Variants in CEP250 observed in about 807,000 individuals in gnomAD.
CEP250 encodes the protein centrosomal protein 250.
Under a neutral mutation model 315.7 loss-of-function variants are expected in CEP250, and 242 were observed. The observed-to-expected ratio is 0.77, with a 90% CI of 0.69 to 0.85. CEP250 has a LOEUF of 0.85. Among genes scored for constraint, CEP250 ranks in the 40% least tolerant of loss-of-function variants. The pLI, the probability that CEP250 is intolerant of heterozygous loss-of-function variation, is 0.00. For synonymous variants in CEP250, 1,088 were observed against 1,175.0 expected, an observed-to-expected ratio of 0.93 and a Z score of 1.51; for missense variants, 2,515 against 2,886.4, an observed-to-expected ratio of 0.87 and a Z score of 2.95.
At chr20:35,496,856 C>A in intron 25 of CEP250, 141 bp downstream of exon 25, 1 of 877,756 alleles carries the variant, frequency 1.1e-6, no homozygotes, top group Non-Finnish European at 1.7e-6. Flanking sequence ...CCTCAACACC[C>A]CTACAGGAGG....
Position 35,496,671 on chromosome 20 carries a change from G to T in CEP250, c.3262G>T (p.Asp1088Tyr), listed in dbSNP as rs771106549. 3.1e-6 allele frequency: 5 copies of T among 1,614,076 alleles called. No homozygotes were observed. The highest frequency in any genetic ancestry group is 4.2e-6 in the Non-Finnish European group (5 of 1,179,984). Residue 1088 changes from aspartate to tyrosine, a missense_variant, in exon 25 of 35, where the codon GAC becomes TAC. Coordinates refer to ENST00000397527, the MANE Select transcript of CEP250 (RefSeq NM_007186.6). Reference protein sequence around the residue: ...RQQELSALRQDMQEAQGEQKE... With the variant: ...RQQELSALRQYMQEAQGEQKE... ...ACAAGAGCTGAGTGCCCTGCGCCAG[G>T]ACATGCAGGAGGCCCAGGGAGAACA...
chr20:35,473,863 C>A lies in CEP250; in HGVS notation c.1389-7C>A, dbSNP rs776659605. The A allele has an allele frequency of 1.0e-5, 16 of 1,607,176 alleles. No homozygotes were observed. Among genetic ancestry groups the A allele is most frequent in the Non-Finnish European group, 1.4e-5 (16 of 1,177,776 alleles). Reference sequence around the variant, plus strand: ...GTCTCTGCTCATCTCTGATTCCCTTCTTCCAGGGAGCGAGAGCTGCTGCAG... The same window carrying A: ...GTCTCTGCTCATCTCTGATTCCCTTATTCCAGGGAGCGAGAGCTGCTGCAG... On this transcript the variant is annotated splice_region_variant and splice_polypyrimidine_tract_variant and intron_variant, in intron 13 of 34. Transcript: ENST00000397527.
intron 14 of CEP250, chr20:35,474,953 T>C: frequency 2.3e-6 from 1 of 443,390 alleles, no homozygotes; most frequent in Admixed American, 2.5e-5. Context: ...GCATGAATAG[T>C]GGAAGCTTGA....
At position 35,503,008 on chromosome 20, in the gene CEP250, G is replaced by A. The variant is rs1470874110; in HGVS notation, c.4639G>A (p.Asp1547Asn). 1 of 1,614,176 alleles carries A rather than the reference G, an allele frequency of 6.2e-7. No individual in the cohort carries two copies. The highest frequency in any genetic ancestry group is 1.7e-5 in the Admixed American group (1 of 60,022). Reference sequence around the variant, plus strand: ...TGAGTCCCAGAGAGGACAGGTTCAGGACCTGAAAAAGCAGTTGGTTACTCT... The same window carrying A: ...TGAGTCCCAGAGAGGACAGGTTCAGAACCTGAAAAAGCAGTTGGTTACTCT... The part of the protein sequence containing the change: ...MIESQRGQVQ[D>N]LKKQLVTLEC... Residue 1547 changes from aspartate (D) to asparagine (N), a missense_variant, in exon 30 of 35, where the codon GAC becomes AAC. By Grantham distance (23) the Asp-to-Asn change is conservative. Coordinates refer to ENST00000397527, the MANE Select transcript of CEP250 (RefSeq NM_007186.6). This position sits in a 1 kb window ranked among gnomAD's most constrained non-coding sequence, Gnocchi z 4.2.
Position 35,475,694 on chromosome 20 carries a change from G to C in CEP250, c.1716+48G>C, listed in dbSNP as rs1484352454. ...TTGCTGGGTGGGCGGCTTCGAAAGT[G>C]TGTTCCCATGCAGCCTGCCTCATTC... is the stretch of plus-strand genomic sequence containing the variant. On this transcript the variant is annotated intron_variant, in intron 15 of 34. Coordinates refer to ENST00000397527, the MANE Select transcript of CEP250 (RefSeq NM_007186.6). 3.1e-6 allele frequency: 5 copies of C among 1,597,772 alleles called. No individual in the cohort carries two copies. The East Asian group carries it at 8.9e-5, about 29-fold the overall frequency.
intron 17 of CEP250, 28 bp from the exon 18 acceptor site, chr20:35,479,203 C>A: frequency 6.2e-7 from 1 of 1,605,382 alleles, no homozygotes; most frequent in South Asian, 1.1e-5. Flanking sequence ...AGCCTCTGCT[C>A]CATCTCTCAC....
chr20:35,477,154 G>A (rs377700388), intron 16 of CEP250, among the ~76,000 whole-genome samples: 38 of 152,284 alleles, frequency 2.5e-4, no homozygotes, highest in Non-Finnish European at 4.9e-4. Flanking sequence ...GGGATTACAG[G>A]CATGCACCAC....
At chr20:35,507,696 G>A (rs1263263437) in intron 30 of CEP250, 42 bp from the exon 31 acceptor site, 9 of 1,493,476 alleles carry the variant, frequency 6.0e-6, no homozygotes, top group Non-Finnish European at 8.2e-6. Context: ...CTGGATATGA[G>A]GTTGGCAAGG....
At chr20:35,489,820 C>G (rs1307133502) in intron 20 of CEP250, among the ~76,000 whole-genome samples, 1 of 152,216 alleles carries the variant, frequency 6.6e-6, no homozygotes, top group African/African-American at 2.4e-5. Flanking sequence ...AGGCAGCAGA[C>G]AGCCAGAATT....
intron 24 of CEP250, among the ~76,000 whole-genome samples, chr20:35,496,088 A>G (rs1332896766): frequency 2.6e-5 from 4 of 152,156 alleles, no homozygotes; most frequent in African/African-American, 9.7e-5. Context: ...GATTGGGTGG[A>G]CAGGGGAGGA....
At position 35,467,569 on chromosome 20, in the gene CEP250, G is replaced by A. The variant is rs531411759; in HGVS notation, c.851+14G>A. ...ACTTCAGGACCGGTGAGATGGCCTG[G>A]GGTCCCAAGAAGGGTTCGCTGAGAG... is the stretch of plus-strand genomic sequence containing the variant. On this transcript the variant is annotated intron_variant, in intron 9 of 34. Coordinates refer to ENST00000397527, the MANE Select transcript of CEP250 (RefSeq NM_007186.6). 2 of 1,611,940 alleles carry A rather than the reference G, an allele frequency of 1.2e-6. No individual in the cohort carries two copies. The highest frequency in any genetic ancestry group is 2.2e-5 in the South Asian group (2 of 90,990).
rs1478662559 is a variant in CEP250, at chr20:35,463,648, T to A, written c.243+17T>A. ...GCCACTGGAGTGAGTGAGGCTGAGC[T>A]CTCTGCACCCCCTGGGTCCTCAGTG... is the stretch of plus-strand genomic sequence containing the variant. On this transcript the variant is annotated intron_variant, in intron 5 of 34. Coordinates refer to ENST00000397527, the MANE Select transcript of CEP250 (RefSeq NM_007186.6). 6.3e-7 allele frequency: 1 copy of A among 1,598,774 alleles called. No individual in the cohort carries two copies. Among genetic ancestry groups the A allele is most frequent in the African/African-American group, 1.4e-5 (1 of 74,040 alleles).
intron 14 of CEP250, chr20:35,474,666 CTG>C (rs2063120085): frequency 2.5e-6 from 1 of 404,768 alleles, no homozygotes; most frequent in African/African-American, 2.1e-5. Flanking sequence ...CCCAGCTAAT[CTG>C]TAAATTCCCC....
In CEP250 at chr20:35,476,437, T is replaced by G. The variant is rs2063176003; in HGVS notation, c.1717-12T>G. ...GGAAATATGAAACTCTTTAATCCTT[T>G]TTGTTTTTTAGGCAGAGCAGTCAAT... On this transcript the variant is annotated splice_polypyrimidine_tract_variant and intron_variant, in intron 15 of 34. Coordinates refer to ENST00000397527, the MANE Select transcript of CEP250 (RefSeq NM_007186.6). 1 of 1,608,158 alleles carries G rather than the reference T, an allele frequency of 6.2e-7. No homozygotes were observed. The highest frequency in any genetic ancestry group is 1.3e-5 in the African/African-American group (1 of 74,840).
At position 35,502,680 on chromosome 20, in the gene CEP250, G is replaced by A. The variant is rs1034285428; in HGVS notation, c.4311G>A (p.Val1437=). 1.2e-6 allele frequency: 2 copies of A among 1,614,242 alleles called. No individual in the cohort carries two copies. The highest frequency in any genetic ancestry group is 1.1e-5 in the South Asian group (1 of 91,088). ...CCCTAGCTGAAAGAGAAGAGGAGGT[G>A]GAGACTCTGCGGGGACAAATCCAGG... is the stretch of plus-strand genomic sequence containing the variant. ...TQTLAEREEE[V]ETLRGQIQEL... Residue 1437 remains valine (V), a synonymous_variant, in exon 30 of 35, where the codon GTG becomes GTA. Coordinates refer to ENST00000397527, the MANE Select transcript of CEP250 (RefSeq NM_007186.6).
In CEP250 at chr20:35,478,118, G is replaced by A; in HGVS notation, c.2094+17G>A. 6.6e-7 allele frequency: 1 copy of A among 1,521,264 alleles called. No homozygotes were observed. Among genetic ancestry groups the A allele is most frequent in the Non-Finnish European group, 9.1e-7 (1 of 1,096,988 alleles). 94.2% of individuals were successfully genotyped at this position (1,521,264 alleles called of 1,614,324 possible). A position where few individuals can be genotyped will look rare whatever the true frequency, so the allele number is the denominator to read the frequency against. ...CTAAGTGAGGTGAGAAGCCAAAATG[G>A]ACACCATCATGTCTAGGTGTAATAT... On this transcript the variant is annotated intron_variant, in intron 17 of 34. Transcript: ENST00000397527.
intron 7 of CEP250, 81 bp from the exon 8 acceptor site, chr20:35,466,885 G>A: frequency 1.2e-6 from 1 of 840,274 alleles, no homozygotes; most frequent in African/African-American, 1.7e-5. Flanking sequence ...TCCCTCAGTA[G>A]TCAGGAGGAA....
Position 35,498,673 on chromosome 20 carries a change from T to C in CEP250, c.3734T>C (p.Leu1245Pro). ...TCCGCTGAGGCAGTAGCATCTGCCC[T>C]CCACAAGCTTCATCAAGACCTGTGG... ...ALSAEAVASALHKLHQDLWKT... is the reference protein window; with the variant it reads ...ALSAEAVASAPHKLHQDLWKT... The change falls in exon 27 of 35, where the codon CTC becomes CCC. Residue 1245 changes from leucine to proline, a missense_variant. By Grantham distance (98) the Leu-to-Pro change is moderately conservative. Transcript: ENST00000397527. The C allele has an allele frequency of 1.2e-6, 2 of 1,604,592 alleles. No individual in the cohort carries two copies. The highest frequency in any genetic ancestry group is 1.7e-6 in the Non-Finnish European group (2 of 1,177,250).
rs185710619 is a variant in CEP250, at chr20:35,465,736, G to A, written c.244-7G>A. 3 of 1,587,710 alleles carry A rather than the reference G, an allele frequency of 1.9e-6. No homozygotes were observed. The highest frequency in any genetic ancestry group is 3.6e-5 in the Admixed American group (2 of 55,272). On this transcript the variant is annotated splice_polypyrimidine_tract_variant and splice_region_variant and intron_variant, in intron 5 of 34. Coordinates refer to ENST00000397527, the MANE Select transcript of CEP250 (RefSeq NM_007186.6). ...AGGTAAGTAAGGCTTGTCTCTGTCT[G>A]GCGCAGGGACCAATCCCCCAGAGGT...
Sources: allele counts gnomAD v4.1 joint callset (sites outside exome capture counted in the v4.1 genomes callset), GRCh38; gene constraint gnomAD v4.1.1; non-coding constraint Gnocchi (gnomAD v3.1); transcripts MANE v1.5; gene names NCBI Gene and HGNC (gene_info 2026-07-23, HGNC 2026-07-21).